The following IFNGR2 variants were observed in gnomAD, a reference collection of about 807,000 sequenced individuals.
IFNGR2 encodes the protein IFN-gamma receptor 2.
In IFNGR2, 15 loss-of-function variants were observed where a neutral mutation model predicts 41.1. The ratio of observed to expected loss-of-function variants is 0.37; its 90% CI spans 0.24 to 0.56. The LOEUF is 0.56. IFNGR2 is among the 20% of genes least tolerant of loss of function. IFNGR2 has a pLI of 0.81. For synonymous variants in IFNGR2, 161 were observed against 171.6 expected, an observed-to-expected ratio of 0.94 and a Z score of 0.48; for missense variants, 362 against 415.7, an observed-to-expected ratio of 0.87 and a Z score of 1.12.
At chr21:33,409,967 G>A (rs1049020601) in intron 1 of IFNGR2, among the ~76,000 whole-genome samples, 19 of 152,012 alleles carry the variant, frequency 1.2e-4, no homozygotes, top group African/African-American at 4.6e-4. Flanking sequence ...GACCATTAAC[G>A]CATTAGTCCA....
chr21:33,405,902 A>G (rs1428998044), intron 1 of IFNGR2, among the ~76,000 whole-genome samples: 1 of 151,962 alleles, frequency 6.6e-6, no homozygotes, highest in African/African-American at 2.4e-5. Context: ...GTGATGGTAC[A>G]CACCTGTGTC....
intron 5 of IFNGR2, 159 bp from the exon 6 acceptor site, chr21:33,432,555 G>GC: frequency 1.1e-6 from 1 of 900,704 alleles, no homozygotes; most frequent in East Asian, 2.5e-5. Context: ...ATTGACTTTA[G>GC]CTATTAATGT....
intron 1 of IFNGR2, among the ~76,000 whole-genome samples, chr21:33,407,768 A>C (rs1333783316): frequency 6.6e-6 from 1 of 151,520 alleles, no homozygotes; most frequent in Non-Finnish European, 1.5e-5. Context: ...GCTAATTTTT[A>C]TATTTTTAGT....
At chr21:33,427,274 T>G (rs2083846626) in intron 4 of IFNGR2, among the ~76,000 whole-genome samples, 1 of 152,180 alleles carries the variant, frequency 6.6e-6, no homozygotes, top group Admixed American at 6.6e-5. Flanking sequence ...TGTCACTCTG[T>G]GTCCCTTGTG....
intron 1 of IFNGR2, among the ~76,000 whole-genome samples, chr21:33,406,398 A>T (rs2083678147): frequency 6.6e-6 from 1 of 152,014 alleles, no homozygotes; most frequent in African/African-American, 2.4e-5. Flanking sequence ...AAAAGAAAAG[A>T]AAAGTAGTGT....
In IFNGR2 at chr21:33,408,097, C is replaced by G. The variant is rs548605155; in HGVS notation, c.73+4481C>G. ...TCCTAAAGGGTCAGTCCTTAATTAT[C>G]AAGATTAAATGATTAATGTTAATTA... is the stretch of plus-strand genomic sequence containing the variant. On this transcript the variant is annotated intron_variant, in intron 1 of 6. Coordinates refer to ENST00000290219, the MANE Select transcript of IFNGR2 (RefSeq NM_005534.4). Among the ~76,000 whole-genome samples the G allele has an allele frequency of 2.4e-4, 37 of 152,140 alleles. 1 individual carries two copies. In the South Asian group the frequency reaches 7.3e-3, roughly 30 times the overall value.
In IFNGR2 at chr21:33,432,210, T is replaced by C. The variant is rs149173957; in HGVS notation, c.595T>C (p.Leu199=). ...KGPFRSNSIS[L]DNLKPSRVYC... ...CCCTTTCAGAAGCAACTCCATTTCA[T>C]TGGATAACTTAAAACCCTCCAGAGT... The change falls in exon 5 of 7, where the codon TTG becomes CTG. Residue 199 remains leucine, a synonymous_variant. Coordinates refer to ENST00000290219, the MANE Select transcript of IFNGR2 (RefSeq NM_005534.4). 9.9e-5 allele frequency: 160 copies of C among 1,614,150 alleles called. 2 individuals are homozygous for C. The Admixed American group carries it at 1.9e-3, about 19-fold the overall frequency.
At chr21:33,407,933 T>G (rs987001622) in intron 1 of IFNGR2, among the ~76,000 whole-genome samples, 1 of 150,530 alleles carries the variant, frequency 6.6e-6, no homozygotes, top group African/African-American at 2.5e-5. Context: ...TAGTATTTCT[T>G]GAAGAGAACA....
chr21:33,432,577 G>T, intron 5 of IFNGR2, 137 bp from the exon 6 acceptor site: 1 of 992,922 alleles, frequency 1.0e-6, no homozygotes, highest in Non-Finnish European at 1.6e-6. Context: ...AGCATACCAG[G>T]TGAGGGTGGG....
chr21:33,412,558 T>C (rs2123335421), intron 1 of IFNGR2, among the ~76,000 whole-genome samples: 1 of 152,272 alleles, frequency 6.6e-6, no homozygotes, highest in Middle Eastern at 3.4e-3. Context: ...GAGCATTTAT[T>C]TATTTATTTA....
At chr21:33,415,845 C>T (rs998807785) in intron 2 of IFNGR2, among the ~76,000 whole-genome samples, 4 of 152,066 alleles carry the variant, frequency 2.6e-5, no homozygotes, top group African/African-American at 9.7e-5. Context: ...TGTGTGTGCA[C>T]GTGTGCATGT....
Position 33,436,915 on chromosome 21 carries a change from A to G in IFNGR2, c.967A>G (p.Ile323Val), listed in dbSNP as rs866088151. ...TGACGTCTGGGACTCTGTGTCCATT[A>G]TCTCGTTTCCGGAAAAGGAGCAAGA... is the stretch of plus-strand genomic sequence containing the variant. ...KDDVWDSVSI[I>V]SFPEKEQEDV... The change falls in exon 7 of 7, where the codon ATC becomes GTC. Residue 323 changes from isoleucine to valine, a missense_variant. Transcript: ENST00000290219. The G allele has an allele frequency of 1.9e-6, 3 of 1,614,030 alleles. No individual in the cohort carries two copies. In the African/African-American group the frequency reaches 4.0e-5, roughly 22 times the overall value.
intron 3 of IFNGR2, 24 bp downstream of exon 3, chr21:33,421,709 T>A: frequency 6.4e-7 from 1 of 1,561,618 alleles, no homozygotes; most frequent in Non-Finnish European, 8.8e-7. Flanking sequence ...AGTATAGAAC[T>A]TCCTTTATAC....
chr21:33,421,088 T>C (rs1568956332), intron 2 of IFNGR2, among the ~76,000 whole-genome samples: 6 of 151,918 alleles, frequency 3.9e-5, no homozygotes, highest in Admixed American at 6.6e-5. Flanking sequence ...TCCCAGCACA[T>C]TGGGAGGCCA....
chr21:33,436,514 G>A (rs886688934), intron 6 of IFNGR2, among the ~76,000 whole-genome samples: 1 of 152,110 alleles, frequency 6.6e-6, no homozygotes, highest in African/African-American at 2.4e-5. Flanking sequence ...TTTGCGATCA[G>A]GAGTTTGAGA....
intron 2 of IFNGR2, among the ~76,000 whole-genome samples, chr21:33,416,355 A>C (rs2123341132): frequency 6.6e-6 from 1 of 152,372 alleles, no homozygotes; most frequent in Admixed American, 6.5e-5. Flanking sequence ...ATTAGATGTC[A>C]TCTGGTAGAA....
chr21:33,432,586 G>T, intron 5 of IFNGR2, 128 bp from the exon 6 acceptor site: 1 of 1,039,530 alleles, frequency 9.6e-7, no homozygotes, highest in Non-Finnish European at 1.5e-6. Flanking sequence ...GGTGAGGGTG[G>T]GGGGTAGAGG....
chr21:33,427,090 C>G, intron 4 of IFNGR2, 58 bp downstream of exon 4: 1 of 1,484,120 alleles, frequency 6.7e-7, no homozygotes, highest in Non-Finnish European at 9.4e-7. Context: ...TCTGGCTTAG[C>G]AAAAGAAAGA....
chr21:33,427,590 T>C (rs1469302919), intron 4 of IFNGR2, among the ~76,000 whole-genome samples: 1 of 152,060 alleles, frequency 6.6e-6, no homozygotes, highest in African/African-American at 2.4e-5. Context: ...GGTGCTCACG[T>C]TGACAGAGGT....
Sources: allele counts gnomAD v4.1 joint callset (sites outside exome capture counted in the v4.1 genomes callset), GRCh38; gene constraint gnomAD v4.1.1; transcripts MANE v1.5; gene names NCBI Gene and HGNC (gene_info 2026-07-23, HGNC 2026-07-21).